NRG1: variants seen among roughly 807,000 people sequenced by gnomAD.
NRG1 encodes pro-neuregulin-1, membrane-bound isoform.
A neutral mutation model predicts 63.8 loss-of-function variants in NRG1; 18 were observed. That is an observed-to-expected ratio of 0.28 (90% CI 0.19 to 0.42). NRG1 has a LOEUF of 0.42. NRG1 is among the 10% of genes least tolerant of loss of function. The pLI, the probability that NRG1 is intolerant of heterozygous loss-of-function variation, is 1.00. For synonymous variants in NRG1, 302 were observed against 301.3 expected (o/e 1.00, Z -0.02); for missense variants, 762 against 814.7 (o/e 0.94, Z 0.79).
At chr8:32,319,614 C>A (rs1356078716) in intron 1 of NRG1, among the ~76,000 whole-genome samples, 1 of 152,068 alleles carries the variant, frequency 6.6e-6, no homozygotes, top group African/African-American at 2.4e-5. Context: ...TATGCTGTCA[C>A]TCCAGGTAAC....
chr8:32,459,829 G>T (rs528916453), intron 1 of NRG1, among the ~76,000 whole-genome samples: 4 of 152,126 alleles, frequency 2.6e-5, no homozygotes, highest in Non-Finnish European at 4.4e-5. Flanking sequence ...CTTTGCAATT[G>T]CTATTTTCTA....
intron 1 of NRG1, among the ~76,000 whole-genome samples, chr8:31,970,406 T>C (rs79557186): frequency 0.011 from 1,634 of 152,276 alleles, 30 homozygotes; most frequent in African/African-American, 0.037. Flanking sequence ...AAATGGTTGA[T>C]GGCATTTTAA....
At chr8:32,750,826 G>C (rs140485427) in intron 7 of NRG1, among the ~76,000 whole-genome samples, 1 of 152,060 alleles carries the variant, frequency 6.6e-6, no homozygotes, top group East Asian at 1.9e-4. Context: ...AGAAACACAA[G>C]GGGGAGCACC....
chr8:32,438,328 G>A (rs1762997753), intron 1 of NRG1, among the ~76,000 whole-genome samples: 1 of 152,030 alleles, frequency 6.6e-6, no homozygotes, highest in African/African-American at 2.4e-5. Flanking sequence ...TCTTTACTTA[G>A]CATACTTCTC....
intron 1 of NRG1, among the ~76,000 whole-genome samples, chr8:32,454,586 T>TG (rs1164258671): frequency 6.8e-6 from 1 of 147,724 alleles, no homozygotes; most frequent in East Asian, 2.0e-4. Flanking sequence ...TTTTTTTTTT[T>TG]TTTTTTTTTT....
At position 31,821,730 on chromosome 8, in the gene NRG1, A is replaced by G. The variant is rs146115038; in HGVS notation, c.37+182299A>G. 4.9e-3 allele frequency among the ~76,000 whole-genome samples: 740 copies of G among 152,308 alleles called. 4 individuals carry two copies. Among genetic ancestry groups the G allele is most frequent in the African/African-American group, 0.017 (707 of 41,562 alleles). On this transcript the variant is annotated intron_variant, in intron 1 of 10. Transcript: ENST00000519301. ...AGAGTCTGATGTACTTGAAAAAAAC[A>G]CAGCGGGAATCCAAACACACTTATG... is the stretch of plus-strand genomic sequence containing the variant.
At chr8:32,495,289 T>C (rs913192795) in intron 1 of NRG1, among the ~76,000 whole-genome samples, 5 of 152,262 alleles carry the variant, frequency 3.3e-5, no homozygotes, top group Admixed American at 6.5e-5. Flanking sequence ...CGAGATCTGG[T>C]GGTTTTATAA....
chr8:32,285,259 G>C (rs1028299946), intron 1 of NRG1, among the ~76,000 whole-genome samples: 5 of 152,080 alleles, frequency 3.3e-5, no homozygotes, highest in Non-Finnish European at 5.9e-5. Flanking sequence ...GCAACCTGAA[G>C]TTCGGAGAGG....
intron 1 of NRG1, among the ~76,000 whole-genome samples, chr8:32,515,595 AAC>A (rs2129503616): frequency 6.6e-6 from 1 of 152,086 alleles, no homozygotes; most frequent in Admixed American, 6.6e-5. Flanking sequence ...TATGTGTGCC[AAC>A]ACACCCAGCT....
At chr8:32,070,715 A>G (rs1252645799) in intron 1 of NRG1, among the ~76,000 whole-genome samples, 1 of 152,222 alleles carries the variant, frequency 6.6e-6, no homozygotes, top group African/African-American at 2.4e-5. Context: ...ATAGCCGGTA[A>G]CCATGTGCTT....
intron 1 of NRG1, among the ~76,000 whole-genome samples, chr8:32,141,521 AGTGTGTGT>A (rs10555336): frequency 3.1e-4 from 40 of 129,948 alleles, no homozygotes; most frequent in Non-Finnish European, 5.3e-4. Context: ...GAGATAGTTA[AGTGTGTGT>A]GTGTGTGTGT....
chr8:32,041,245 TACAC>T (rs1819983324), intron 1 of NRG1, among the ~76,000 whole-genome samples: 1 of 152,150 alleles, frequency 6.6e-6, no homozygotes, highest in Admixed American at 6.5e-5. Flanking sequence ...AAAGACAACT[TACAC>T]ACAACAAGAT....
intron 1 of NRG1, among the ~76,000 whole-genome samples, chr8:31,869,838 A>C (rs1296542357): frequency 1.3e-5 from 2 of 152,206 alleles, no homozygotes; most frequent in African/African-American, 4.8e-5. Flanking sequence ...TGCATTGAAC[A>C]TGCGCATCCA....
chr8:32,052,271 G>GTTTTT (rs5890615), intron 1 of NRG1, among the ~76,000 whole-genome samples: 1 of 91,410 alleles, frequency 1.1e-5, no homozygotes, highest in Admixed American at 1.3e-4. Context: ...CTTTCCTCCT[G>GTTTTT]TTTTTTTTTT....
At chr8:32,424,945 T>A (rs1297069339) in intron 1 of NRG1, among the ~76,000 whole-genome samples, 1 of 152,180 alleles carries the variant, frequency 6.6e-6, no homozygotes, top group African/African-American at 2.4e-5. Context: ...ATTTGAGTCT[T>A]TGTTTCCTCA....
intron 1 of NRG1, among the ~76,000 whole-genome samples, chr8:32,236,907 G>A (rs565524293): frequency 7.9e-5 from 12 of 152,248 alleles, no homozygotes; most frequent in African/African-American, 2.9e-4. Context: ...TGTTTTTCAT[G>A]TACAGCTGAC....
chr8:32,135,256 T>C (rs929339426), intron 1 of NRG1, among the ~76,000 whole-genome samples: 3 of 152,178 alleles, frequency 2.0e-5, no homozygotes, highest in African/African-American at 7.2e-5. Flanking sequence ...GAGAAGACTA[T>C]GCTGAGGAAT....
At chr8:31,775,454 G>A (rs745318077) in intron 1 of NRG1, among the ~76,000 whole-genome samples, 73 of 152,306 alleles carry the variant, frequency 4.8e-4, no homozygotes, top group Middle Eastern at 3.4e-3. Flanking sequence ...GAGGATGGGA[G>A]GGGTTTGAGG....
intron 6 of NRG1, among the ~76,000 whole-genome samples, chr8:32,733,793 G>T (rs1455103748): frequency 1.3e-5 from 2 of 152,230 alleles, no homozygotes; most frequent in Middle Eastern, 3.4e-3. Flanking sequence ...GACTATTAAG[G>T]TAATACAAAT....
Sources: gnomAD v4.1 joint callset for allele counts (sites outside exome capture counted in the v4.1 genomes callset) on GRCh38, gnomAD v4.1.1 for gene constraint, MANE v1.5 for transcripts, NCBI Gene and HGNC (gene_info 2026-07-23, HGNC 2026-07-21) for gene names.